The following P2RX1 variants were observed in gnomAD, a reference collection of about 807,000 sequenced individuals.
P2RX1 encodes the protein P2X purinoceptor 1.
A neutral mutation model predicts 50.3 loss-of-function variants in P2RX1; 42 were observed. The ratio of observed to expected loss-of-function variants is 0.83; its 90% CI spans 0.65 to 1.08. P2RX1 has a LOEUF of 1.08. Ranked by LOEUF, P2RX1 falls within the 50% of genes least tolerant of loss-of-function variation. P2RX1 has a pLI of 0.00. For missense variants in P2RX1, 449 were observed against 529.0 expected (o/e 0.85, Z 1.48); for synonymous variants, 199 against 202.6 (o/e 0.98, Z 0.15).
At chr17:3,909,337 G>GTTC (rs200556979) in intron 1 of P2RX1, among the ~76,000 whole-genome samples, 4,132 of 152,144 alleles carry the variant, frequency 0.027, 197 homozygotes, top group African/African-American at 0.094. Context: ...GCCTCTATGA[G>GTTC]TTCTTAAGGA....
At chr17:3,905,491 G>T in intron 1 of P2RX1, 124 bp from the exon 2 acceptor site, 1 of 1,144,534 alleles carries the variant, frequency 8.7e-7, no homozygotes, top group Non-Finnish European at 1.3e-6. Flanking sequence ...TCCTGTCTTG[G>T]GCTAGAGGCA....
Position 3,898,444 on chromosome 17 carries a change from G to T in P2RX1, c.1032+40C>A, listed in dbSNP as rs114092002. ...GCTACTGAATTGTGGAAGAGGAGGG[G>T]CCAACCCCAGCACAGTGAGCCGGTG... On this transcript the variant is annotated intron_variant, in intron 10 of 11. Transcript: ENST00000225538. 9.7e-4 allele frequency: 1,486 copies of T among 1,530,854 alleles called. 19 individuals carry two copies. In the African/African-American group the frequency reaches 0.018, roughly 19 times the overall value. 94.8% of individuals were successfully genotyped at this position (1,530,854 alleles called of 1,614,324 possible).
At chr17:3,904,791 A>T (rs1195612861) in intron 3 of P2RX1, 67 bp downstream of exon 3, 1 of 1,275,848 alleles carries the variant, frequency 7.8e-7, no homozygotes, top group East Asian at 2.4e-5. Flanking sequence ...GTGCCCCTGG[A>T]GACTTTCTCT....
chr17:3,900,299 C>T (rs1474744130), intron 7 of P2RX1, among the ~76,000 whole-genome samples: 3 of 151,860 alleles, frequency 2.0e-5, no homozygotes, highest in East Asian at 1.9e-4. Flanking sequence ...CTAAAAAATA[C>T]AAAAATTAGC....
chr17:3,905,125 G>A lies in P2RX1; in HGVS notation c.285+95C>T, dbSNP rs2056237920. On this transcript the variant is annotated intron_variant, in intron 2 of 11. Coordinates refer to ENST00000225538, the MANE Select transcript of P2RX1 (RefSeq NM_002558.4). ...ATTCACAGAGGTCCAGAGAGAAAGA[G>A]GAGCTGGGCTGGTCCCACAGGGACG... 25 of 1,507,302 alleles carry A rather than the reference G, an allele frequency of 1.7e-5. No individual in the cohort carries two copies. The South Asian group carries it at 2.8e-4, about 17-fold the overall frequency. 93.4% of individuals were successfully genotyped at this position (1,507,302 alleles called of 1,614,324 possible).
rs1275343144 is a variant in P2RX1 at position 3,898,472 on chromosome 17, C to T, written c.1032+12G>A. The T allele has an allele frequency of 1.9e-6, 3 of 1,610,328 alleles. No individual in the cohort carries two copies. The Admixed American group carries it at 5.0e-5, about 27-fold the overall frequency. ...AACCCCAGCACAGTGAGCCGGTGAC[C>T]CCAGCACTTACCACCCCAAAGATGC... On this transcript the variant is annotated intron_variant, in intron 10 of 11. Coordinates refer to ENST00000225538, the MANE Select transcript of P2RX1 (RefSeq NM_002558.4).
intron 1 of P2RX1, chr17:3,915,578 G>A (rs1388270168): frequency 1.1e-5 from 5 of 456,726 alleles, no homozygotes; most frequent in African/African-American, 2.0e-5. Context: ...AAGGCACCAG[G>A]TATTCAGAAT....
intron 4 of P2RX1, 93 bp downstream of exon 4, chr17:3,904,237 T>C: frequency 2.4e-6 from 3 of 1,270,716 alleles, no homozygotes; most frequent in Non-Finnish European, 3.4e-6. Flanking sequence ...GGGAGGGGTG[T>C]GGAGAGAGGC....
chr17:3,904,943 G>T lies in P2RX1; in HGVS notation c.286-14C>A. The T allele has an allele frequency of 1.4e-6, 2 of 1,423,218 alleles. No homozygotes were observed. The highest frequency in any genetic ancestry group is 1.9e-5 in the Admixed American group (1 of 52,650). The allele number at this position is 1,423,218 out of a possible 1,614,324, so 88.2% of individuals were successfully genotyped here. A position where few individuals can be genotyped will look rare whatever the true frequency, so the allele number is the denominator to read the frequency against. On this transcript the variant is annotated splice_polypyrimidine_tract_variant and intron_variant, in intron 2 of 11. Transcript: ENST00000225538. The stretch of plus-strand genomic sequence containing the variant: ...GGAGTTGTCCCCCTAGAAGTGAGGG[G>T]CAGGGGGAGGGTGGGGTGGGCTGGG...
chr17:3,904,960 T>TG, intron 2 of P2RX1, 31 bp from the exon 3 acceptor site: 2 of 209,774 alleles, frequency 9.5e-6, no homozygotes, highest in Admixed American at 6.8e-5. Context: ...GAGGGTGGGG[T>TG]GGGCTGGGAG....
intron 1 of P2RX1, among the ~76,000 whole-genome samples, chr17:3,910,126 C>A (rs2056338060): frequency 6.6e-6 from 1 of 152,034 alleles, no homozygotes; most frequent in African/African-American, 2.4e-5. Flanking sequence ...AGGCGCACAC[C>A]AACACGCCTG....
At chr17:3,905,678 CT>C (rs1298736141) in intron 1 of P2RX1, among the ~76,000 whole-genome samples, 1 of 152,036 alleles carries the variant, frequency 6.6e-6, no homozygotes. Context: ...TGAAATCTGT[CT>C]CTACTAAAAA....
intron 7 of P2RX1, 88 bp from the exon 8 acceptor site, chr17:3,899,849 C>T: frequency 1.3e-6 from 2 of 1,537,562 alleles, no homozygotes; most frequent in Non-Finnish European, 1.8e-6. Flanking sequence ...ACCTGTAATC[C>T]CAGCACTTTG....
In P2RX1 at chr17:3,904,867, G is replaced by A. The variant is rs2056229879; in HGVS notation, c.348C>T (p.Tyr116=). The A allele has an allele frequency of 2.5e-6, 4 of 1,592,592 alleles. No individual in the cohort carries two copies. Among genetic ancestry groups the A allele is most frequent in the African/African-American group, 2.7e-5 (2 of 74,602 alleles). ...GGGCAGAAGTCCTCACCTCTGCGCA[G>A]TAGCCTTGAGTCTGCTTCGGGGTCA... is the stretch of plus-strand genomic sequence containing the variant. ...FIVTPKQTQG[Y]CAEHPEGGIC... The change falls in exon 3 of 12, where the codon TAC becomes TAT. Residue 116 remains tyrosine (Y), a synonymous_variant. Transcript: ENST00000225538.
At chr17:3,905,137 G>A in intron 2 of P2RX1, 83 bp downstream of exon 2, 2 of 1,551,470 alleles carry the variant, frequency 1.3e-6, no homozygotes, top group South Asian at 2.2e-5. Context: ...AGCTGGGCTG[G>A]TCCCACAGGG....
chr17:3,904,674 G>C, intron 3 of P2RX1, 184 bp downstream of exon 3: 1 of 637,756 alleles, frequency 1.6e-6, no homozygotes, highest in South Asian at 1.8e-5. Flanking sequence ...CCGTGTGCTG[G>C]GCGGGAAGGC....
intron 9 of P2RX1, 118 bp downstream of exon 9, chr17:3,898,816 T>C: frequency 1.1e-6 from 1 of 869,898 alleles, no homozygotes; most frequent in Non-Finnish European, 2.0e-6. Flanking sequence ...TTATTAGAAG[T>C]AAAACTGCTG....
chr17:3,907,439 A>G (rs2056288498), intron 1 of P2RX1, among the ~76,000 whole-genome samples: 1 of 151,934 alleles, frequency 6.6e-6, no homozygotes, highest in South Asian at 2.1e-4. Flanking sequence ...TCACCTGTCC[A>G]AGGGGAGCTC....
intron 1 of P2RX1, chr17:3,915,620 C>A (rs949386639): frequency 2.2e-6 from 1 of 457,678 alleles, no homozygotes; most frequent in East Asian, 6.9e-5. Flanking sequence ...GGGCCTCAAA[C>A]GTCCCTGGAT....
Sources: gnomAD v4.1 joint callset for allele counts (sites outside exome capture counted in the v4.1 genomes callset) on GRCh38, gnomAD v4.1.1 for gene constraint, MANE v1.5 for transcripts, NCBI Gene and HGNC (gene_info 2026-07-23, HGNC 2026-07-21) for gene names.